COBL: variants seen among roughly 807,000 people sequenced by gnomAD.
COBL encodes the protein protein cordon-bleu.
A neutral mutation model predicts 98.8 loss-of-function variants in COBL; 51 were observed. That is an observed-to-expected ratio of 0.52 (90% CI 0.41 to 0.65). The LOEUF (loss-of-function observed/expected upper bound fraction) is 0.65. Among genes scored for constraint, COBL ranks in the 30% least tolerant of loss-of-function variants. The pLI is 0.00. For missense variants in COBL, 1,617 were observed against 1,617.5 expected (o/e 1.00, Z 0.01); for synonymous variants, 634 against 651.7 (o/e 0.97, Z 0.41).
intron 5 of COBL, among the ~76,000 whole-genome samples, chr7:51,143,037 AG>A (rs1784688360): frequency 6.6e-6 from 1 of 152,158 alleles, no homozygotes; most frequent in Admixed American, 6.5e-5. Flanking sequence ...GAAAAGTAAG[AG>A]GAAGGGCATC....
At chr7:51,271,984 G>GT (rs1251248856) in intron 1 of COBL, among the ~76,000 whole-genome samples, 1 of 152,182 alleles carries the variant, frequency 6.6e-6, no homozygotes, top group Non-Finnish European at 1.5e-5. Context: ...AGCCAAGATC[G>GT]TATCACTGCA....
intron 1 of COBL, among the ~76,000 whole-genome samples, chr7:51,268,573 T>C (rs1489996425): frequency 6.6e-6 from 1 of 152,182 alleles, no homozygotes; most frequent in East Asian, 1.9e-4. Flanking sequence ...CACAGCCCTG[T>C]GAAGCAGGTG....
chr7:51,123,823 T>C (rs929076092), intron 6 of COBL, among the ~76,000 whole-genome samples: 2 of 152,152 alleles, frequency 1.3e-5, no homozygotes, highest in Admixed American at 1.3e-4. Flanking sequence ...GACAGCACCA[T>C]GCCACCTCCT....
chr7:51,057,945 C>T (rs1790932374), intron 7 of COBL, among the ~76,000 whole-genome samples: 1 of 152,146 alleles, frequency 6.6e-6, no homozygotes, highest in Admixed American at 6.5e-5. Context: ...CTCCTATGAC[C>T]ACATTCTACC....
intron 6 of COBL, among the ~76,000 whole-genome samples, chr7:51,098,783 T>C (rs1175352107): frequency 1.3e-5 from 2 of 152,102 alleles, no homozygotes; most frequent in Non-Finnish European, 2.9e-5. Context: ...TTAAAAGCTA[T>C]TGTGCAACAA....
chr7:51,021,006 G>A (rs896304231), intron 12 of COBL: 1 of 152,208 alleles, frequency 6.6e-6, no homozygotes, highest in Non-Finnish European at 1.5e-5. Flanking sequence ...GCCTGCGACT[G>A]TCCCAGAAAA....
intron 6 of COBL, among the ~76,000 whole-genome samples, chr7:51,089,211 T>C (rs1254373640): frequency 6.6e-6 from 1 of 152,050 alleles, no homozygotes; most frequent in African/African-American, 2.4e-5. Flanking sequence ...TAGGTATTTA[T>C]CACAATCTAA....
chr7:51,313,000 G>A (rs1458165298), intron 1 of COBL, among the ~76,000 whole-genome samples: 1 of 151,800 alleles, frequency 6.6e-6, no homozygotes, highest in Non-Finnish European at 1.5e-5. Context: ...AAAATTCCTA[G>A]GCCTACTCTC....
At chr7:51,169,978 C>T (rs1787693919) in intron 5 of COBL, among the ~76,000 whole-genome samples, 1 of 151,924 alleles carries the variant, frequency 6.6e-6, no homozygotes, top group Non-Finnish European at 1.5e-5. Context: ...AGTCTATACC[C>T]ACAATTAAAA....
intron 2 of COBL, among the ~76,000 whole-genome samples, chr7:51,202,835 G>GT (rs1791261517): frequency 6.6e-6 from 1 of 152,184 alleles, no homozygotes; most frequent in Admixed American, 6.5e-5. Flanking sequence ...GAGGTCAGGA[G>GT]TTAGAGACCA....
At chr7:51,115,089 A>C (rs1300272528) in intron 6 of COBL, among the ~76,000 whole-genome samples, 1 of 152,194 alleles carries the variant, frequency 6.6e-6, no homozygotes, top group Non-Finnish European at 1.5e-5. Flanking sequence ...ATTTTTGGTA[A>C]AAAGTTCACA....
chr7:51,211,426 G>A (rs1792419040), intron 2 of COBL, among the ~76,000 whole-genome samples: 1 of 152,222 alleles, frequency 6.6e-6, no homozygotes, highest in Non-Finnish European at 1.5e-5. Context: ...ACCTCACAGG[G>A]TGGATAGAGT....
intron 6 of COBL, among the ~76,000 whole-genome samples, chr7:51,124,122 A>G (rs1233589245): frequency 6.6e-6 from 1 of 152,196 alleles, no homozygotes; most frequent in Non-Finnish European, 1.5e-5. Context: ...TGTGCATAAA[A>G]GTCCTAGCAG....
intron 3 of COBL, among the ~76,000 whole-genome samples, chr7:51,191,356 T>C (rs1790102065): frequency 6.6e-6 from 1 of 152,048 alleles, no homozygotes; most frequent in African/African-American, 2.4e-5. Flanking sequence ...ATCCAACACA[T>C]ATACTTTACT....
At chr7:51,102,821 G>C (rs762756283) in intron 6 of COBL, among the ~76,000 whole-genome samples, 27 of 152,316 alleles carry the variant, frequency 1.8e-4, no homozygotes, top group Non-Finnish European at 3.5e-4. Flanking sequence ...ATACACACAA[G>C]CGAAGGAAAA....
chr7:51,036,552 C>G (rs754914776), intron 8 of COBL, among the ~76,000 whole-genome samples: 2 of 152,012 alleles, frequency 1.3e-5, no homozygotes, highest in African/African-American at 2.4e-5. Context: ...CCCTCTGCAC[C>G]TCTCACTACA....
intron 1 of COBL, among the ~76,000 whole-genome samples, chr7:51,250,018 C>A (rs532410850): frequency 5.9e-5 from 9 of 152,196 alleles, no homozygotes; most frequent in Admixed American, 3.9e-4. Context: ...AGGAGAATTA[C>A]TAGAACCCGG....
At chr7:51,274,998 T>C (rs1343491389) in intron 1 of COBL, among the ~76,000 whole-genome samples, 2 of 152,146 alleles carry the variant, frequency 1.3e-5, no homozygotes, top group Non-Finnish European at 1.5e-5. Context: ...AAAATACAAA[T>C]CATCTGGCCG....
chr7:51,080,058 T>C (rs201472152), intron 7 of COBL, among the ~76,000 whole-genome samples: 1 of 151,952 alleles, frequency 6.6e-6, no homozygotes, highest in South Asian at 2.1e-4. Context: ...AGGCTGGCTG[T>C]GGAAGGGAGG....
Sources: gnomAD v4.1 joint callset for allele counts (sites outside exome capture counted in the v4.1 genomes callset) on GRCh38, gnomAD v4.1.1 for gene constraint, MANE v1.5 for transcripts, NCBI Gene and HGNC (gene_info 2026-07-23, HGNC 2026-07-21) for gene names.